SEMA5A: variants seen among roughly 807,000 people sequenced by gnomAD.
SEMA5A encodes semaphorin 5A.
A neutral mutation model predicts 135.5 loss-of-function variants in SEMA5A; 55 were observed. The observed-to-expected ratio is 0.41, with a 90% CI of 0.33 to 0.51. SEMA5A has a LOEUF of 0.51. Among genes scored for constraint, SEMA5A ranks in the 20% least tolerant of loss-of-function variants. The probability of loss-of-function intolerance (pLI) is 0.37; values close to 1 mark genes in which losing one functional copy is unlikely to be tolerated. For missense variants in SEMA5A, 1,290 were observed against 1,419.9 expected (o/e 0.91, Z 1.47); for synonymous variants, 580 against 546.5 (o/e 1.06, Z -0.85).
At chr5:9,371,487 C>T (rs933169402) in intron 3 of SEMA5A, among the ~76,000 whole-genome samples, 1 of 152,066 alleles carries the variant, frequency 6.6e-6, no homozygotes, top group African/African-American at 2.4e-5. Context: ...TTATTACATA[C>T]CTAGATTATA....
At chr5:9,098,480 G>T (rs1037352151) in intron 16 of SEMA5A, among the ~76,000 whole-genome samples, 2 of 152,144 alleles carry the variant, frequency 1.3e-5, no homozygotes, top group African/African-American at 2.4e-5. Context: ...TCCGTCAGCA[G>T]CACTACAATC....
At chr5:9,230,105 C>G (rs1160348084) in intron 6 of SEMA5A, among the ~76,000 whole-genome samples, 5 of 151,240 alleles carry the variant, frequency 3.3e-5, no homozygotes, top group Admixed American at 3.3e-4. Flanking sequence ...TCACCTCAGT[C>G]TCCCAAGTAG....
intron 5 of SEMA5A, among the ~76,000 whole-genome samples, chr5:9,273,907 GATGCT>G (rs1750118917): frequency 6.6e-6 from 1 of 152,086 alleles, no homozygotes; most frequent in East Asian, 1.9e-4. Flanking sequence ...AAAGACCATT[GATGCT>G]ATGAAGAAAC....
At chr5:9,311,484 A>G (rs941274569) in intron 5 of SEMA5A, among the ~76,000 whole-genome samples, 1 of 151,738 alleles carries the variant, frequency 6.6e-6, no homozygotes, top group Non-Finnish European at 1.5e-5. Context: ...CCAGTAAACT[A>G]TCGCAAGGAC....
At chr5:9,416,525 C>G (rs1757289870) in intron 2 of SEMA5A, among the ~76,000 whole-genome samples, 1 of 152,144 alleles carries the variant, frequency 6.6e-6, no homozygotes, top group Non-Finnish European at 1.5e-5. Context: ...CCCAGAGCCT[C>G]TCACCTGCAA....
intron 3 of SEMA5A, among the ~76,000 whole-genome samples, chr5:9,356,332 A>G (rs1392770039): frequency 6.6e-6 from 1 of 152,222 alleles, no homozygotes; most frequent in African/African-American, 2.4e-5. Context: ...GTGCGTGCAC[A>G]CACACAAGTG....
intron 1 of SEMA5A, chr5:9,517,256 C>A (rs1736583410): frequency 6.6e-6 from 1 of 152,188 alleles, no homozygotes; most frequent in South Asian, 2.1e-4. Flanking sequence ...TCTAAAGAAC[C>A]ATAAATTAAG....
At chr5:9,047,244 A>T (rs1736314486) in intron 21 of SEMA5A, among the ~76,000 whole-genome samples, 2 of 152,224 alleles carry the variant, frequency 1.3e-5, no homozygotes, top group African/African-American at 2.4e-5. Context: ...TCATTATAAC[A>T]TAGGGAAGAT....
chr5:9,488,498 C>A (rs1482623809), intron 1 of SEMA5A, among the ~76,000 whole-genome samples: 3 of 152,288 alleles, frequency 2.0e-5, no homozygotes, highest in Admixed American at 6.5e-5. Flanking sequence ...GTCCTATTAT[C>A]AGCCTGAAAG....
At chr5:9,275,984 T>C (rs991764862) in intron 5 of SEMA5A, among the ~76,000 whole-genome samples, 4 of 152,088 alleles carry the variant, frequency 2.6e-5, no homozygotes, top group African/African-American at 7.2e-5. Flanking sequence ...GAGAAAGAAA[T>C]AAAGGTTATT....
chr5:9,208,960 CA>C (rs1746199171), intron 8 of SEMA5A, among the ~76,000 whole-genome samples: 1 of 152,154 alleles, frequency 6.6e-6, no homozygotes, highest in Non-Finnish European at 1.5e-5. Flanking sequence ...AAGACCCTTG[CA>C]GTAGGAGTGG....
intron 1 of SEMA5A, among the ~76,000 whole-genome samples, chr5:9,443,974 C>T (rs1758333945): frequency 6.6e-6 from 1 of 152,242 alleles, no homozygotes. Flanking sequence ...ATACCCCACC[C>T]CTTCTCTCCT....
chr5:9,130,584 A>G (rs571919965), intron 13 of SEMA5A, among the ~76,000 whole-genome samples: 1 of 152,356 alleles, frequency 6.6e-6, no homozygotes, highest in African/African-American at 2.4e-5. Context: ...ATAAAATGGA[A>G]GCAAAAATAT....
chr5:9,445,609 C>T (rs900480944), intron 1 of SEMA5A, among the ~76,000 whole-genome samples: 1 of 151,882 alleles, frequency 6.6e-6, no homozygotes, highest in Non-Finnish European at 1.5e-5. Context: ...ACGGAGCTTG[C>T]AATGAGCCGA....
intron 5 of SEMA5A, among the ~76,000 whole-genome samples, chr5:9,292,927 C>T (rs965295392): frequency 6.6e-6 from 1 of 152,144 alleles, no homozygotes; most frequent in African/African-American, 2.4e-5. Context: ...AGGACAGAAC[C>T]CCCATGACCA....
At position 9,498,096 on chromosome 5, in the gene SEMA5A, G is replaced by C. The variant is rs148356745; in HGVS notation, c.-175+47488C>G. Among the ~76,000 whole-genome samples, 622 of 152,238 alleles carry C rather than the reference G, an allele frequency of 4.1e-3. 5 individuals are homozygous for C. The highest frequency in any genetic ancestry group is 0.015 in the African/African-American group (603 of 41,534). ...TTTGATAGTTTAAAAAAGCCTTCTG[G>C]CTGGGAAGAGACTGCCCCTCCCTGG... On this transcript the variant is annotated intron_variant, in intron 1 of 22. Coordinates refer to ENST00000382496, the MANE Select transcript of SEMA5A (RefSeq NM_003966.3).
chr5:9,536,276 G>T (rs1737760991), intron 1 of SEMA5A, among the ~76,000 whole-genome samples: 1 of 152,054 alleles, frequency 6.6e-6, no homozygotes, highest in Non-Finnish European at 1.5e-5. Flanking sequence ...TCTGATAGAT[G>T]GGGGAAAAGT....
Position 9,101,680 on chromosome 5 carries a change from G to A in SEMA5A, c.2073+6460C>T, listed in dbSNP as rs73045609. On this transcript the variant is annotated intron_variant, in intron 16 of 22. Transcript: ENST00000382496. ...TAGTTGTATCTAATCCAGGTCCACC[G>A]GCTTGTTAAAGTAAGAACAGCTTCC... Among the ~76,000 whole-genome samples, 300 of 152,104 alleles carry A rather than the reference G, an allele frequency of 2.0e-3. 1 individual carries two copies. Among genetic ancestry groups the A allele is most frequent in the African/African-American group, 6.8e-3 (281 of 41,468 alleles).
intron 12 of SEMA5A, among the ~76,000 whole-genome samples, chr5:9,154,093 A>ATATATATATGTGTGTGTGTGTGTG (rs372321939): frequency 1.4e-5 from 1 of 73,514 alleles, no homozygotes; most frequent in Non-Finnish European, 2.4e-5. Flanking sequence ...ATATATATAT[A>ATATATATATGTGTGTGTGTGTGTG]TGTGTGTGTG....
Sources: allele counts gnomAD v4.1 joint callset (sites outside exome capture counted in the v4.1 genomes callset), GRCh38; gene constraint gnomAD v4.1.1; transcripts MANE v1.5; gene names NCBI Gene and HGNC (gene_info 2026-07-23, HGNC 2026-07-21).